CSMD1: variants seen among roughly 807,000 people sequenced by gnomAD.
CSMD1 encodes CUB and sushi domain-containing protein 1.
CSMD1 carries 213 observed loss-of-function variants against 417.5 expected under a neutral mutation model. That is an observed-to-expected ratio of 0.51 (90% CI 0.46 to 0.57). The LOEUF (loss-of-function observed/expected upper bound fraction) is 0.57, where lower values mean the gene tolerates loss of function less well. Ranked by LOEUF, CSMD1 falls within the 20% of genes least tolerant of loss-of-function variation. The pLI, the probability that CSMD1 is intolerant of heterozygous loss-of-function variation, is 0.00. For synonymous variants in CSMD1, 2,862 were observed against 1,736.8 expected (o/e 1.65, Z -16.11); for missense variants, 6,923 against 4,529.7 (o/e 1.53, Z -15.17).
intron 7 of CSMD1, among the ~76,000 whole-genome samples, chr8:3,654,837 A>G (rs572652378): frequency 7.6e-4 from 115 of 152,216 alleles, no homozygotes; most frequent in African/African-American, 2.6e-3. Context: ...CATAGAACAC[A>G]TCACCTGCTC....
intron 8 of CSMD1, among the ~76,000 whole-genome samples, chr8:3,591,604 G>A (rs1048683726): frequency 2.6e-5 from 4 of 152,172 alleles, no homozygotes; most frequent in African/African-American, 9.6e-5. Flanking sequence ...TGACTGGCTA[G>A]GTAAGGATCT....
intron 3 of CSMD1, among the ~76,000 whole-genome samples, chr8:4,273,459 G>T (rs574593153): frequency 1.3e-5 from 2 of 152,060 alleles, no homozygotes; most frequent in African/African-American, 4.8e-5. Flanking sequence ...GGTTTCAGAA[G>T]CAAATTATAA....
rs535457451 is a variant in CSMD1, at chr8:4,848,568, T to C, written c.85+145764A>G. ...TTTTTTTTTTTTTTGAGACGGAGTC[T>C]CACTCTGTCACCCAGGCCTGCGGTG... is the stretch of plus-strand genomic sequence containing the variant. On this transcript the variant is annotated intron_variant, in intron 1 of 69. Transcript: ENST00000635120. Among the ~76,000 whole-genome samples, 10 of 151,860 alleles carry C rather than the reference T, an allele frequency of 6.6e-5. No individual in the cohort carries two copies. In the East Asian group the frequency reaches 1.9e-3, roughly 30 times the overall value.
chr8:3,908,559 T>C (rs1033476849), intron 5 of CSMD1, among the ~76,000 whole-genome samples: 1 of 152,294 alleles, frequency 6.6e-6, no homozygotes, highest in South Asian at 2.1e-4. Context: ...TTTGTAGCTA[T>C]GGAGCTCACA....
At chr8:4,772,272 T>G (rs1413454836) in intron 1 of CSMD1, among the ~76,000 whole-genome samples, 1 of 152,182 alleles carries the variant, frequency 6.6e-6, no homozygotes, top group East Asian at 1.9e-4. Flanking sequence ...TCAGCAACAG[T>G]GAACCAGTCC....
chr8:3,215,268 T>C (rs936297989), intron 29 of CSMD1, among the ~76,000 whole-genome samples: 1 of 152,232 alleles, frequency 6.6e-6, no homozygotes, highest in Non-Finnish European at 1.5e-5. Flanking sequence ...CTGTTGTTAG[T>C]CTTAATAGAG....
chr8:4,450,854 G>C (rs937365663), intron 2 of CSMD1, among the ~76,000 whole-genome samples: 1 of 152,050 alleles, frequency 6.6e-6, no homozygotes, highest in African/African-American at 2.4e-5. Flanking sequence ...GGATGTGAGA[G>C]GAACAATTGT....
intron 2 of CSMD1, among the ~76,000 whole-genome samples, chr8:4,613,042 C>A (rs1563334471): frequency 1.3e-5 from 2 of 152,110 alleles, no homozygotes; most frequent in South Asian, 2.1e-4. Flanking sequence ...GCTAGAGGAA[C>A]TTGTTTTGCA....
intron 3 of CSMD1, among the ~76,000 whole-genome samples, chr8:4,157,144 A>C (rs1796879187): frequency 2.0e-5 from 3 of 152,240 alleles, no homozygotes; most frequent in African/African-American, 4.8e-5. Context: ...TTATATTTTT[A>C]AGTGGTAGAA....
chr8:3,933,708 T>G (rs1234470639), intron 5 of CSMD1, among the ~76,000 whole-genome samples: 1 of 152,212 alleles, frequency 6.6e-6, no homozygotes, highest in East Asian at 1.9e-4. Context: ...TCCTTTTGTA[T>G]GCAAAATTAC....
intron 10 of CSMD1, among the ~76,000 whole-genome samples, chr8:3,531,071 G>A (rs1585313770): frequency 6.6e-6 from 1 of 151,470 alleles, no homozygotes; most frequent in South Asian, 2.1e-4. Context: ...ATGTTGGCCA[G>A]GCTGATCTCA....
At chr8:3,733,137 G>A (rs4289840) in intron 6 of CSMD1, among the ~76,000 whole-genome samples, 1 of 148,800 alleles carries the variant, frequency 6.7e-6, no homozygotes. Context: ...AAAGAAGTTA[G>A]GAATTAGACT....
chr8:4,153,504 A>C (rs1796675786), intron 3 of CSMD1, among the ~76,000 whole-genome samples: 1 of 152,180 alleles, frequency 6.6e-6, no homozygotes, highest in South Asian at 2.1e-4. Flanking sequence ...ATTTCTGCTC[A>C]CAATTGTTGA....
chr8:4,512,722 A>G (rs1426548510), intron 2 of CSMD1, among the ~76,000 whole-genome samples: 1 of 152,126 alleles, frequency 6.6e-6, no homozygotes, highest in Non-Finnish European at 1.5e-5. Context: ...TTAGATATAA[A>G]TCTAGCAAAA....
intron 1 of CSMD1, among the ~76,000 whole-genome samples, chr8:4,954,351 G>A (rs900213439): frequency 3.2e-4 from 48 of 152,184 alleles, no homozygotes; most frequent in African/African-American, 1.1e-3. Flanking sequence ...ATTTCCATTT[G>A]TAACTCTAAA....
chr8:3,416,495 T>C (rs536525617), intron 12 of CSMD1, among the ~76,000 whole-genome samples: 7 of 152,226 alleles, frequency 4.6e-5, no homozygotes, highest in East Asian at 1.9e-4. Flanking sequence ...GTATTCGGTG[T>C]ATACTTGAAT....
At chr8:4,259,765 A>G (rs985112804) in intron 3 of CSMD1, among the ~76,000 whole-genome samples, 1 of 152,160 alleles carries the variant, frequency 6.6e-6, no homozygotes, top group East Asian at 1.9e-4. Flanking sequence ...CCCTAAGAAG[A>G]AGAGATTAAA....
At chr8:4,775,278 A>T (rs1796791727) in intron 1 of CSMD1, among the ~76,000 whole-genome samples, 3 of 152,186 alleles carry the variant, frequency 2.0e-5, no homozygotes, top group Non-Finnish European at 4.4e-5. Context: ...CAATGATTAC[A>T]TCAGGTCCAG....
At chr8:4,301,023 A>G (rs1471639948) in intron 3 of CSMD1, among the ~76,000 whole-genome samples, 5 of 152,200 alleles carry the variant, frequency 3.3e-5, no homozygotes, top group African/African-American at 7.2e-5. Context: ...TAGCAGCATG[A>G]TAAGATTAGG....
Sources: allele counts gnomAD v4.1 joint callset (sites outside exome capture counted in the v4.1 genomes callset), GRCh38; gene constraint gnomAD v4.1.1; transcripts MANE v1.5; gene names NCBI Gene and HGNC (gene_info 2026-07-23, HGNC 2026-07-21).